The following TLCD4 variants were observed in gnomAD, a reference collection of about 807,000 sequenced individuals.
TLCD4 encodes TLC domain containing 4, also known as TLC domain-containing protein 4.
Under a neutral mutation model 24.2 loss-of-function variants are expected in TLCD4, and 7 were observed. That is an observed-to-expected ratio of 0.29 (90% CI 0.16 to 0.54). The LOEUF (loss-of-function observed/expected upper bound fraction) is 0.54. Ranked by LOEUF, TLCD4 falls within the 20% of genes least tolerant of loss-of-function variation. The pLI is 0.95. For synonymous variants in TLCD4, 103 were observed against 106.4 expected (o/e 0.97, Z 0.20); for missense variants, 259 against 313.9 (o/e 0.82, Z 1.32).
rs138915454 is a variant in TLCD4, at chr1:95,132,313, C to T, written c.-11-11578C>T. ...CTACTAAAAATACAAAAAAATTAGC[C>T]AGGCGTGGTGGCACACGTCTGTAAT... On this transcript the variant is annotated intron_variant, in intron 1 of 6. Transcript: ENST00000370203. 1.5e-3 allele frequency among the ~76,000 whole-genome samples: 221 copies of T among 151,810 alleles called. 1 individual carries two copies. The highest frequency in any genetic ancestry group is 4.8e-3 in the African/African-American group (198 of 41,376).
At chr1:95,165,952 C>A (rs895765066) in intron 5 of TLCD4, among the ~76,000 whole-genome samples, 3 of 151,990 alleles carry the variant, frequency 2.0e-5, no homozygotes, top group African/African-American at 7.3e-5. Context: ...AGAGTCTTTA[C>A]CTGAGCAATG....
At chr1:95,139,011 G>T (rs1677122659) in intron 1 of TLCD4, among the ~76,000 whole-genome samples, 1 of 131,328 alleles carries the variant, frequency 7.6e-6, no homozygotes, top group African/African-American at 2.9e-5. Context: ...AACATAGTGA[G>T]ACCCAGTCTC....
chr1:95,112,627 AT>A (rs1173513600), upstream of TLCD4, among the ~76,000 whole-genome samples: 1 of 152,224 alleles, frequency 6.6e-6, no homozygotes, highest in Non-Finnish European at 1.5e-5. Context: ...CTGAGGGAAA[AT>A]AATTTTCAAT....
At chr1:95,187,020 C>T (rs1678850683) in intron 6 of TLCD4, among the ~76,000 whole-genome samples, 1 of 152,134 alleles carries the variant, frequency 6.6e-6, no homozygotes, top group African/African-American at 2.4e-5. Flanking sequence ...ACTGCCTTTG[C>T]AATTTGATCT....
At chr1:95,132,091 C>G (rs1676911502) in intron 1 of TLCD4, among the ~76,000 whole-genome samples, 1 of 152,182 alleles carries the variant, frequency 6.6e-6, no homozygotes, top group Admixed American at 6.5e-5. Context: ...TGCTAGAAGC[C>G]AGGGCCATGC....
chr1:95,131,696 T>G (rs1041740851), intron 1 of TLCD4, among the ~76,000 whole-genome samples: 7 of 152,190 alleles, frequency 4.6e-5, no homozygotes, highest in Non-Finnish European at 8.8e-5. Context: ...GGTGGTAGAT[T>G]GAATATGGTG....
intron 5 of TLCD4, among the ~76,000 whole-genome samples, chr1:95,160,834 G>A (rs1204894190): frequency 6.6e-6 from 1 of 152,206 alleles, no homozygotes; most frequent in African/African-American, 2.4e-5. Flanking sequence ...AACCAGCCTT[G>A]TATCCCACTG....
upstream of TLCD4, among the ~76,000 whole-genome samples, chr1:95,116,643 C>A (rs1018965043): frequency 7.2e-5 from 11 of 152,144 alleles, no homozygotes; most frequent in African/African-American, 2.7e-4. Context: ...CACTTGGAGG[C>A]TTTTGGGGCT....
chr1:95,137,876 A>G (rs1677092419), intron 1 of TLCD4, among the ~76,000 whole-genome samples: 1 of 151,982 alleles, frequency 6.6e-6, no homozygotes, highest in Non-Finnish European at 1.5e-5. Context: ...AGTGGGGACT[A>G]CAGGAATGTG....
chr1:95,145,133 A>G (rs1164371270), intron 2 of TLCD4, among the ~76,000 whole-genome samples: 1 of 152,220 alleles, frequency 6.6e-6, no homozygotes, highest in Admixed American at 6.5e-5. Flanking sequence ...TGCATTTGTA[A>G]ACCTCAGTGA....
chr1:95,170,328 TTC>T (rs1419148923), intron 5 of TLCD4, among the ~76,000 whole-genome samples: 1 of 115,618 alleles, frequency 8.6e-6, no homozygotes, highest in Non-Finnish European at 2.0e-5. Flanking sequence ...ATACAAATCA[TTC>T]TTTTTTTTTT....
intron 5 of TLCD4, among the ~76,000 whole-genome samples, chr1:95,158,718 C>A (rs1264767873): frequency 1.4e-5 from 2 of 139,614 alleles, no homozygotes; most frequent in Admixed American, 1.5e-4. Flanking sequence ...TCCAAGTGTT[C>A]TTATCGGTCA....
chr1:95,159,698 G>A (rs1324346433), intron 5 of TLCD4, among the ~76,000 whole-genome samples: 2 of 152,132 alleles, frequency 1.3e-5, no homozygotes, highest in African/African-American at 4.8e-5. Context: ...TGTAAGGAAG[G>A]GATGCAGTTT....
At chr1:95,170,685 C>T (rs1678180162) in intron 5 of TLCD4, among the ~76,000 whole-genome samples, 1 of 152,052 alleles carries the variant, frequency 6.6e-6, no homozygotes, top group South Asian at 2.1e-4. Flanking sequence ...GTAGGAATCT[C>T]ATTAAAATAA....
At chr1:95,169,045 CA>C (rs1678120759) in intron 5 of TLCD4, among the ~76,000 whole-genome samples, 2 of 151,994 alleles carry the variant, frequency 1.3e-5, no homozygotes, top group Admixed American at 6.6e-5. Context: ...TTGCTCAGCG[CA>C]GTTTCTGAGA....
chr1:95,160,841 A>G (rs1039198338), intron 5 of TLCD4, among the ~76,000 whole-genome samples: 3 of 152,210 alleles, frequency 2.0e-5, no homozygotes, highest in African/African-American at 7.2e-5. Context: ...CTTGTATCCC[A>G]CTGATGAAGC....
At chr1:95,163,722 A>G (rs1677910541) in intron 5 of TLCD4, 1 of 152,306 alleles carries the variant, frequency 6.6e-6, no homozygotes, top group African/African-American at 2.4e-5. Flanking sequence ...TTTTCCTTCT[A>G]ACAGGACCTT....
At chr1:95,146,848 C>G (rs1677363493) in intron 2 of TLCD4, among the ~76,000 whole-genome samples, 1 of 152,026 alleles carries the variant, frequency 6.6e-6, no homozygotes, top group Non-Finnish European at 1.5e-5. Flanking sequence ...GAATGCTTTC[C>G]ATTTACCACA....
chr1:95,137,297 T>G (rs1020347700), intron 1 of TLCD4, among the ~76,000 whole-genome samples: 3 of 152,152 alleles, frequency 2.0e-5, no homozygotes, highest in Admixed American at 2.0e-4. Context: ...GGAAAAGGAA[T>G]GCTAAGCATA....
Sources: gnomAD v4.1 joint callset for allele counts (sites outside exome capture counted in the v4.1 genomes callset) on GRCh38, gnomAD v4.1.1 for gene constraint, MANE v1.5 for transcripts, NCBI Gene and HGNC (gene_info 2026-07-23, HGNC 2026-07-21) for gene names.